GPATCH2: variants seen among roughly 807,000 people sequenced by gnomAD.
The protein encoded by GPATCH2 is G patch domain-containing protein 2.
A neutral mutation model predicts 58.0 loss-of-function variants in GPATCH2; 51 were observed. The ratio of observed to expected loss-of-function variants is 0.88; its 90% CI spans 0.70 to 1.11. GPATCH2 has a LOEUF of 1.11. GPATCH2 is among the 50% of genes most tolerant of loss of function. The pLI is 0.00. For synonymous variants in GPATCH2, 222 were observed against 218.5 expected (o/e 1.02, Z -0.14); for missense variants, 625 against 652.2 (o/e 0.96, Z 0.45).
intron 2 of GPATCH2, among the ~76,000 whole-genome samples, chr1:217,617,441 T>A (rs149062239): frequency 3.3e-5 from 5 of 152,298 alleles, no homozygotes; most frequent in African/African-American, 1.2e-4. Context: ...TCCCAGACTA[T>A]GCAGCTGTTG....
chr1:217,445,758 G>T (rs112862499), intron 9 of GPATCH2, among the ~76,000 whole-genome samples: 1 of 152,140 alleles, frequency 6.6e-6, no homozygotes, highest in Non-Finnish European at 1.5e-5. Context: ...TGGTGTTCCT[G>T]TCACAATTAA....
At chr1:217,512,522 C>G (rs1662904249) in intron 6 of GPATCH2, among the ~76,000 whole-genome samples, 1 of 152,112 alleles carries the variant, frequency 6.6e-6, no homozygotes, top group Non-Finnish European at 1.5e-5. Flanking sequence ...AGAGCATGAG[C>G]CTGCTGACAA....
intron 9 of GPATCH2, among the ~76,000 whole-genome samples, chr1:217,435,119 AC>A (rs1449729389): frequency 6.6e-6 from 1 of 152,138 alleles, no homozygotes; most frequent in Non-Finnish European, 1.5e-5. Flanking sequence ...GAGTGGAACA[AC>A]TCAGCCTCAG....
At chr1:217,516,081 C>T (rs1663129791) in intron 5 of GPATCH2, among the ~76,000 whole-genome samples, 1 of 151,414 alleles carries the variant, frequency 6.6e-6, no homozygotes. Context: ...GTAAGCTACT[C>T]CTTTTTTTTT....
chr1:217,519,675 A>C (rs1571849010), intron 5 of GPATCH2, among the ~76,000 whole-genome samples: 1 of 152,338 alleles, frequency 6.6e-6, no homozygotes, highest in Non-Finnish European at 1.5e-5. Context: ...AGTAAAATGA[A>C]AATTAATGAG....
intron 8 of GPATCH2, among the ~76,000 whole-genome samples, chr1:217,455,777 GC>G (rs1659914075): frequency 1.3e-5 from 2 of 151,846 alleles, no homozygotes; most frequent in Admixed American, 1.3e-4. Context: ...CTGTTTTTGC[GC>G]CCAAAAGTTG....
At chr1:217,557,074 G>A (rs969374032) in intron 5 of GPATCH2, among the ~76,000 whole-genome samples, 8 of 152,018 alleles carry the variant, frequency 5.3e-5, no homozygotes, top group African/African-American at 1.9e-4. Context: ...TCTGTGGCTC[G>A]GTATGTGTGT....
intron 8 of GPATCH2, among the ~76,000 whole-genome samples, chr1:217,468,747 CT>C (rs562358857): frequency 1.4e-3 from 205 of 147,656 alleles, no homozygotes; most frequent in Middle Eastern, 3.5e-3. Context: ...GATACTGAGA[CT>C]TTTTTTTTTA....
At chr1:217,599,463 G>A (rs993056419) in intron 5 of GPATCH2, among the ~76,000 whole-genome samples, 1 of 152,320 alleles carries the variant, frequency 6.6e-6, no homozygotes, top group East Asian at 1.9e-4. Flanking sequence ...GACTTGTCTA[G>A]ATGTGGCAAG....
At chr1:217,567,195 C>T (rs938612490) in intron 5 of GPATCH2, among the ~76,000 whole-genome samples, 1 of 151,890 alleles carries the variant, frequency 6.6e-6, no homozygotes, top group Non-Finnish European at 1.5e-5. Flanking sequence ...TACAGGCATG[C>T]GCCACCTCAC....
chr1:217,528,470 T>C (rs1391019567), intron 5 of GPATCH2, among the ~76,000 whole-genome samples: 1 of 152,234 alleles, frequency 6.6e-6, no homozygotes, highest in Non-Finnish European at 1.5e-5. Context: ...GACTAGGACC[T>C]GAGGCATCCT....
chr1:217,527,288 T>C (rs747376700), intron 5 of GPATCH2, among the ~76,000 whole-genome samples: 1 of 152,144 alleles, frequency 6.6e-6, no homozygotes, highest in Admixed American at 6.5e-5. Context: ...TGGAAAGCAC[T>C]GGTTTATAAA....
At chr1:217,491,820 A>G in intron 7 of GPATCH2, 70 bp from the exon 8 acceptor site, 1 of 611,674 alleles carries the variant, frequency 1.6e-6, no homozygotes, top group Non-Finnish European at 2.9e-6. Flanking sequence ...CAAGTAGGAA[A>G]ATATTCTCAT....
Position 217,609,117 on chromosome 1 carries a change from A to G in GPATCH2, c.1098+1204T>C, listed in dbSNP as rs551825350. The stretch of plus-strand genomic sequence containing the variant: ...TTTTCATTATTGAAGCTTAATAAAA[A>G]TATCATTTTAATATAACCATTTTGA... On this transcript the variant is annotated intron_variant, in intron 5 of 9. Transcript: ENST00000366935. 94 of 857,878 alleles carry G rather than the reference A, an allele frequency of 1.1e-4. No individual in the cohort carries two copies. The South Asian group carries it at 4.3e-3, about 40-fold the overall frequency. The allele number at this position is 857,878 out of a possible 1,614,324, so 53.1% of individuals were successfully genotyped here. A position where few individuals can be genotyped will look rare whatever the true frequency, so the allele number is the denominator to read the frequency against.
chr1:217,598,924 A>G (rs1667983490), intron 5 of GPATCH2, among the ~76,000 whole-genome samples: 1 of 152,240 alleles, frequency 6.6e-6, no homozygotes. Context: ...AATGAGTGGC[A>G]GAGACAGAAG....
chr1:217,480,866 A>C (rs541622743), intron 8 of GPATCH2, among the ~76,000 whole-genome samples: 1 of 152,326 alleles, frequency 6.6e-6, no homozygotes, highest in East Asian at 1.9e-4. Flanking sequence ...GATTATGCTA[A>C]GTGAAATAAG....
At chr1:217,496,044 T>A in intron 7 of GPATCH2, among the ~76,000 whole-genome samples, 1 of 152,194 alleles carries the variant, frequency 6.6e-6, no homozygotes, top group East Asian at 1.9e-4. Context: ...CCTTCAACAA[T>A]AAACTAAAAG....
At chr1:217,597,670 T>A (rs776202352) in intron 5 of GPATCH2, among the ~76,000 whole-genome samples, 1 of 152,186 alleles carries the variant, frequency 6.6e-6, no homozygotes. Context: ...AAAGGGGTCA[T>A]TCCTACAAAG....
At chr1:217,480,649 TA>T (rs1246949139) in intron 8 of GPATCH2, among the ~76,000 whole-genome samples, 1 of 152,140 alleles carries the variant, frequency 6.6e-6, no homozygotes, top group African/African-American at 2.4e-5. Flanking sequence ...GGTATGTACC[TA>T]AAAGAATGGA....
Sources: allele counts gnomAD v4.1 joint callset (sites outside exome capture counted in the v4.1 genomes callset), GRCh38; gene constraint gnomAD v4.1.1; transcripts MANE v1.5; gene names NCBI Gene and HGNC (gene_info 2026-07-23, HGNC 2026-07-21).